Variants in ANO1 observed in about 807,000 individuals in gnomAD.
The protein encoded by ANO1 is anoctamin-1.
ANO1 carries 59 observed loss-of-function variants against 124.0 expected under a neutral mutation model. That is an observed-to-expected ratio of 0.48 (90% CI 0.39 to 0.59). The LOEUF (loss-of-function observed/expected upper bound fraction) is 0.59, where lower values mean the gene tolerates loss of function less well. Among genes scored for constraint, ANO1 ranks in the 20% least tolerant of loss-of-function variants. The probability of loss-of-function intolerance (pLI) is 0.00; values close to 1 mark genes in which losing one functional copy is unlikely to be tolerated. For missense variants in ANO1, 1,059 were observed against 1,328.0 expected, an observed-to-expected ratio of 0.80 and a Z score of 3.15; for synonymous variants, 529 against 532.0, an observed-to-expected ratio of 0.99 and a Z score of 0.08.
intron 1 of ANO1, among the ~76,000 whole-genome samples, chr11:69,995,401 G>A (rs1176107057): frequency 3.3e-5 from 5 of 151,978 alleles, no homozygotes; most frequent in Admixed American, 6.6e-5. Context: ...CCGGCCACTG[G>A]CACGTTTTTA....
intron 8 of ANO1, among the ~76,000 whole-genome samples, chr11:70,122,012 G>GTC (rs1329748329): frequency 1.6e-5 from 2 of 121,712 alleles, no homozygotes; most frequent in African/African-American, 6.5e-5. Flanking sequence ...CTCTGTCTCT[G>GTC]TCTCTCTCTC....
intron 16 of ANO1, among the ~76,000 whole-genome samples, chr11:70,157,227 T>C (rs1474476156): frequency 6.6e-6 from 1 of 151,808 alleles, no homozygotes; most frequent in East Asian, 1.9e-4. Flanking sequence ...AATTAGCTGG[T>C]GTGGTGGTGC....
At chr11:70,048,479 T>G (rs868911984) in intron 1 of ANO1, among the ~76,000 whole-genome samples, 134 of 151,972 alleles carry the variant, frequency 8.8e-4, no homozygotes, top group Middle Eastern at 3.4e-3. Context: ...AATGGGGGGG[T>G]GGTGTGGTTT....
At chr11:70,044,742 A>G (rs1256814825) in intron 1 of ANO1, among the ~76,000 whole-genome samples, 1 of 152,192 alleles carries the variant, frequency 6.6e-6, no homozygotes, top group Non-Finnish European at 1.5e-5. Context: ...TGGCTGGCAT[A>G]TATTCTTTAA....
At chr11:70,178,688 T>C (rs147595838) in intron 22 of ANO1, among the ~76,000 whole-genome samples, 1,692 of 152,248 alleles carry the variant, frequency 0.011, 34 homozygotes, top group African/African-American at 0.039. Context: ...CTCAGCCTTC[T>C]GAGTAGCTGG....
At chr11:70,181,493 C>T (rs75163670) in intron 23 of ANO1, among the ~76,000 whole-genome samples, 2 of 152,364 alleles carry the variant, frequency 1.3e-5, no homozygotes, top group South Asian at 2.1e-4. Flanking sequence ...CAGACAAAGG[C>T]GCGCAGGGCC....
rs559011162 is a variant in ANO1, at chr11:70,125,596, G to A, written c.963-465G>A. Reference sequence around the variant, plus strand: ...ACGGTGGCTCACGCCTGTAATCCCAGCACTTTGGGAGGCCGAAGGGGGCGG... The same window carrying A: ...ACGGTGGCTCACGCCTGTAATCCCAACACTTTGGGAGGCCGAAGGGGGCGG... On this transcript the variant is annotated intron_variant, in intron 9 of 25. Transcript: ENST00000355303. 2.1e-4 allele frequency among the ~76,000 whole-genome samples: 32 copies of A among 151,822 alleles called. No individual in the cohort carries two copies. In the South Asian group the frequency reaches 6.7e-3, roughly 32 times the overall value.
the ANO1 span, among the ~76,000 whole-genome samples, chr11:69,976,549 A>AGG: frequency 1.1e-5 from 1 of 94,678 alleles, no homozygotes; most frequent in Non-Finnish European, 2.3e-5. Flanking sequence ...AAAAAAAAAA[A>AGG]AAAAAGAGAG....
At chr11:70,003,950 C>T (rs910513000) in intron 1 of ANO1, among the ~76,000 whole-genome samples, 2 of 152,132 alleles carry the variant, frequency 1.3e-5, no homozygotes, top group Admixed American at 6.5e-5. Context: ...ACCATACAGC[C>T]TCTCCCCACT....
At chr11:70,051,709 G>A (rs1555006283) in intron 1 of ANO1, among the ~76,000 whole-genome samples, 1 of 152,248 alleles carries the variant, frequency 6.6e-6, no homozygotes, top group African/African-American at 2.4e-5. Flanking sequence ...TTTTGAGGAA[G>A]TGCTCATGCA....
rs2044097588 is a variant in ANO1 at position 70,078,505 on chromosome 11, G to A, written c.-102G>A. The A allele has an allele frequency of 1.8e-6, 1 of 564,330 alleles. No individual in the cohort carries two copies. Among genetic ancestry groups the A allele is most frequent in the East Asian group, 9.7e-5 (1 of 10,338 alleles). The allele number at this position is 564,330 out of a possible 1,614,324, so 35.0% of individuals were successfully genotyped here. On this transcript the variant is annotated 5_prime_UTR_variant, in exon 1 of 26. Coordinates refer to ENST00000355303, the MANE Select transcript of ANO1 (RefSeq NM_018043.7). ...TGGGCGCGGGGAGGCCCGGCCCCCT[G>A]CGAGCGCGCCGCGAACGCTGCGGTC... is the stretch of plus-strand genomic sequence containing the variant.
chr11:70,133,798 G>A (rs1007431518), intron 11 of ANO1, among the ~76,000 whole-genome samples: 2 of 152,238 alleles, frequency 1.3e-5, no homozygotes, highest in Non-Finnish European at 2.9e-5. Flanking sequence ...GTGGTTTGCG[G>A]GTGGGTGTGC....
chr11:70,105,736 T>C lies in ANO1; in HGVS notation c.695T>C (p.Phe232Ser). Reference protein sequence around the residue: ...YPFSREKQHLFDLSDKDSFFD... With the variant: ...YPFSREKQHLSDLSDKDSFFD... Reference sequence around the variant, plus strand: ...TTTCCTTCCCGATATTTCCACAGATTTGACTTGTCTGATAAGGATTCCTTT... The same window carrying C: ...TTTCCTTCCCGATATTTCCACAGATCTGACTTGTCTGATAAGGATTCCTTT... Residue 232 changes from phenylalanine (F) to serine (S), a missense_variant and splice_region_variant, in exon 5 of 26, where the codon TTT becomes TCT. Around this residue, in one of 2 missense-constraint regions of ANO1, gnomAD observed 809 missense variants for 1,094.9 expected, o/e 0.74. Transcript: ENST00000355303. 6.2e-7 allele frequency: 1 copy of C among 1,613,652 alleles called. No individual in the cohort carries two copies. The highest frequency in any genetic ancestry group is 2.2e-5 in the East Asian group (1 of 44,856).
chr11:70,119,786 G>A (rs1413952371), intron 8 of ANO1, among the ~76,000 whole-genome samples: 1 of 151,816 alleles, frequency 6.6e-6, no homozygotes, highest in Non-Finnish European at 1.5e-5. Context: ...ATGGTTGATG[G>A]GTGGACAGGT....
chr11:70,029,246 C>T (rs1486752033), intron 1 of ANO1, among the ~76,000 whole-genome samples: 1 of 152,230 alleles, frequency 6.6e-6, no homozygotes, highest in Non-Finnish European at 1.5e-5. Flanking sequence ...GGTGCTTTCC[C>T]TCCTTTGCAG....
chr11:70,017,747 T>C (rs1049833593), intron 1 of ANO1, among the ~76,000 whole-genome samples: 13 of 151,768 alleles, frequency 8.6e-5, no homozygotes, highest in Admixed American at 3.3e-4. Context: ...TTGAACTCCC[T>C]GGGCTCAAGC....
intron 1 of ANO1, among the ~76,000 whole-genome samples, chr11:70,070,478 T>G (rs1857844124): frequency 6.6e-6 from 1 of 151,388 alleles, no homozygotes; most frequent in Admixed American, 6.6e-5. Flanking sequence ...AGGTCAGGAG[T>G]TCAAGACCAG....
chr11:69,988,715 C>A (rs1000459127), intron 1 of ANO1, among the ~76,000 whole-genome samples: 1 of 152,182 alleles, frequency 6.6e-6, no homozygotes, highest in African/African-American at 2.4e-5. Context: ...CTTATTTATA[C>A]GCTTGTGGTC....
the ANO1 span, among the ~76,000 whole-genome samples, chr11:69,976,325 C>T: frequency 7.9e-5 from 12 of 151,882 alleles, no homozygotes; most frequent in Non-Finnish European, 1.3e-4. Context: ...CTGGCTAACA[C>T]GGTGAAACCC....
Sources: gnomAD v4.1 joint callset for allele counts (sites outside exome capture counted in the v4.1 genomes callset) on GRCh38, gnomAD v4.1.1 for gene constraint, gnomAD v4.1.1 regional missense constraint, MANE v1.5 for transcripts, NCBI Gene and HGNC (gene_info 2026-07-23, HGNC 2026-07-21) for gene names.